The following CNTN5 variants were observed in gnomAD, a reference collection of about 807,000 sequenced individuals.
CNTN5 encodes the protein contactin 5.
In CNTN5, 77 loss-of-function variants were observed where a neutral mutation model predicts 129.1. That is an observed-to-expected ratio of 0.60 (90% CI 0.50 to 0.72). CNTN5 has a LOEUF of 0.72. Ranked by LOEUF, CNTN5 falls within the 30% of genes least tolerant of loss-of-function variation. The probability of loss-of-function intolerance (pLI) is 0.00; values close to 1 mark genes in which losing one functional copy is unlikely to be tolerated. For missense variants in CNTN5, 1,478 were observed against 1,328.8 expected (o/e 1.11, Z -1.75); for synonymous variants, 509 against 465.6 (o/e 1.09, Z -1.20).
intron 2 of CNTN5, among the ~76,000 whole-genome samples, chr11:99,353,267 A>G (rs535531773): frequency 7.2e-4 from 110 of 152,320 alleles, no homozygotes; most frequent in African/African-American, 2.6e-3. Flanking sequence ...TTTATAAAGT[A>G]TTGGTTTCTC....
intron 7 of CNTN5, among the ~76,000 whole-genome samples, chr11:99,950,345 G>A (rs1177399332): frequency 7.2e-5 from 11 of 152,286 alleles, no homozygotes; most frequent in African/African-American, 2.2e-4. Flanking sequence ...GCCAGGTGTG[G>A]TGGTGGGCGC....
chr11:100,210,806 A>C (rs1949015208), intron 15 of CNTN5, among the ~76,000 whole-genome samples: 1 of 152,218 alleles, frequency 6.6e-6, no homozygotes, highest in South Asian at 2.1e-4. Context: ...CATGATGATA[A>C]TCTCAATACA....
intron 1 of CNTN5, among the ~76,000 whole-genome samples, chr11:99,309,483 G>A (rs1222952806): frequency 1.3e-5 from 2 of 152,178 alleles, no homozygotes; most frequent in East Asian, 1.9e-4. Context: ...TTCTTCACTT[G>A]CTTTCTGCCT....
At chr11:100,037,701 A>G (rs970920463) in intron 9 of CNTN5, among the ~76,000 whole-genome samples, 148 of 151,942 alleles carry the variant, frequency 9.7e-4, no homozygotes, top group African/African-American at 3.2e-3. Context: ...TCTTGGGAGG[A>G]TGTATGTGTT....
At chr11:99,417,260 A>G (rs965669833) in intron 2 of CNTN5, among the ~76,000 whole-genome samples, 1 of 152,196 alleles carries the variant, frequency 6.6e-6, no homozygotes, top group Non-Finnish European at 1.5e-5. Context: ...GTGTGATAAT[A>G]TGTAGATTAA....
chr11:99,899,526 T>A (rs1489558046), intron 6 of CNTN5, among the ~76,000 whole-genome samples: 1 of 152,050 alleles, frequency 6.6e-6, no homozygotes, highest in African/African-American at 2.4e-5. Flanking sequence ...GTGGATCATG[T>A]TTATTGATTT....
At chr11:99,726,369 C>T (rs1314343474) in intron 3 of CNTN5, among the ~76,000 whole-genome samples, 2 of 152,064 alleles carry the variant, frequency 1.3e-5, no homozygotes, top group Non-Finnish European at 2.9e-5. Flanking sequence ...TATGTTTACC[C>T]CATTGTTGCT....
At chr11:100,307,900 T>C (rs1951389340) in intron 20 of CNTN5, among the ~76,000 whole-genome samples, 2 of 151,740 alleles carry the variant, frequency 1.3e-5, no homozygotes, top group South Asian at 2.1e-4. Flanking sequence ...AATACTCTCA[T>C]TATAGTCATG....
chr11:99,236,218 T>C (rs769065145), intron 1 of CNTN5, among the ~76,000 whole-genome samples: 1 of 152,124 alleles, frequency 6.6e-6, no homozygotes, highest in African/African-American at 2.4e-5. Context: ...CTTGGTTTAG[T>C]AATTTAAATA....
chr11:99,088,320 T>C (rs1358974706), intron 1 of CNTN5, among the ~76,000 whole-genome samples: 1 of 152,128 alleles, frequency 6.6e-6, no homozygotes, highest in Non-Finnish European at 1.5e-5. Context: ...CAGAGACTGG[T>C]AAATATGCTT....
intron 3 of CNTN5, among the ~76,000 whole-genome samples, chr11:99,668,853 A>G (rs555907531): frequency 1.3e-5 from 2 of 152,250 alleles, no homozygotes; most frequent in South Asian, 4.1e-4. Context: ...ACTATTTATT[A>G]TCTTATGAGT....
chr11:99,400,078 C>T (rs1941722474), intron 2 of CNTN5, among the ~76,000 whole-genome samples: 4 of 151,966 alleles, frequency 2.6e-5, no homozygotes, highest in Admixed American at 2.6e-4. Context: ...TAGTCACATC[C>T]TTGTGCTATC....
At chr11:100,255,077 A>C (rs1001838055) in intron 16 of CNTN5, among the ~76,000 whole-genome samples, 1 of 152,162 alleles carries the variant, frequency 6.6e-6, no homozygotes, top group Non-Finnish European at 1.5e-5. Flanking sequence ...TTTCATAATC[A>C]AAAGGGAATT....
intron 6 of CNTN5, among the ~76,000 whole-genome samples, chr11:99,863,437 G>A (rs930237382): frequency 1.3e-5 from 2 of 152,064 alleles, no homozygotes; most frequent in East Asian, 1.9e-4. Context: ...ATAGAGCACG[G>A]TTGTATATAA....
At chr11:99,733,555 C>A (rs561595576) in intron 3 of CNTN5, among the ~76,000 whole-genome samples, 3 of 152,074 alleles carry the variant, frequency 2.0e-5, no homozygotes, top group Non-Finnish European at 4.4e-5. Flanking sequence ...TGTTGTTTGT[C>A]TCCACAATTG....
At chr11:99,215,344 A>G (rs534077055) in intron 1 of CNTN5, among the ~76,000 whole-genome samples, 26 of 152,296 alleles carry the variant, frequency 1.7e-4, no homozygotes, top group Non-Finnish European at 2.9e-4. Flanking sequence ...GGCTGCTGAC[A>G]TAATCCAGGA....
At chr11:99,720,770 C>G (rs1943145756) in intron 3 of CNTN5, among the ~76,000 whole-genome samples, 1 of 152,064 alleles carries the variant, frequency 6.6e-6, no homozygotes, top group East Asian at 1.9e-4. Context: ...GACAAAAGCT[C>G]CTTCAGTGGA....
At chr11:99,728,138 G>A (rs1030719481) in intron 3 of CNTN5, among the ~76,000 whole-genome samples, 2 of 152,232 alleles carry the variant, frequency 1.3e-5, no homozygotes. Context: ...TATGTTAAGA[G>A]TACGTTGCAA....
At position 100,297,693 on chromosome 11, in the gene CNTN5, G is replaced by C. The variant is rs1314562409; in HGVS notation, c.2383G>C (p.Glu795Gln). The change falls in exon 19 of 25, where the codon GAG becomes CAG. Residue 795 changes from glutamate to glutamine, a missense_variant and splice_region_variant. Transcript: ENST00000524871. Reference sequence around the variant, plus strand: ...AAGGCATGAGTTAGTCATTGCCTGGGAGGTAAGAAAAACACATCCTCTCAC... The same window carrying C: ...AAGGCATGAGTTAGTCATTGCCTGGCAGGTAAGAAAAACACATCCTCTCAC... ...GRRHELVIAWEPVSEEFQNGE... is the reference protein window; with the variant it reads ...GRRHELVIAWQPVSEEFQNGE... 2 of 1,596,182 alleles carry C rather than the reference G, an allele frequency of 1.3e-6. No individual in the cohort carries two copies. The highest frequency in any genetic ancestry group is 1.7e-6 in the Non-Finnish European group (2 of 1,169,398).
Sources: allele counts gnomAD v4.1 joint callset (sites outside exome capture counted in the v4.1 genomes callset), GRCh38; gene constraint gnomAD v4.1.1; transcripts MANE v1.5; gene names NCBI Gene and HGNC (gene_info 2026-07-23, HGNC 2026-07-21).